SLC35F4: variants seen among roughly 807,000 people sequenced by gnomAD.
SLC35F4 encodes the protein chromosome 14 open reading frame 36.
A neutral mutation model predicts 44.2 loss-of-function variants in SLC35F4; 24 were observed. That is an observed-to-expected ratio of 0.54 (90% CI 0.39 to 0.76). SLC35F4 has a LOEUF of 0.76. SLC35F4 is among the 30% of genes least tolerant of loss of function. SLC35F4 has a pLI of 0.00. For missense variants in SLC35F4, 562 were observed against 586.1 expected, an observed-to-expected ratio of 0.96 and a Z score of 0.42; for synonymous variants, 238 against 223.6, an observed-to-expected ratio of 1.06 and a Z score of -0.57.
chr14:57,840,497 A>G (rs1287187022), intron 1 of SLC35F4, among the ~76,000 whole-genome samples: 1 of 152,198 alleles, frequency 6.6e-6, no homozygotes, highest in African/African-American at 2.4e-5. Context: ...TTTTCTGGAG[A>G]AGGAAAAAAG....
chr14:57,755,340 A>G (rs2076971679), intron 1 of SLC35F4, among the ~76,000 whole-genome samples: 1 of 152,168 alleles, frequency 6.6e-6, no homozygotes, highest in South Asian at 2.1e-4. Flanking sequence ...ACAAATTCCC[A>G]TGAGCCCCAC....
At chr14:57,783,737 C>T (rs1282308156) in intron 1 of SLC35F4, among the ~76,000 whole-genome samples, 1 of 152,116 alleles carries the variant, frequency 6.6e-6, no homozygotes, top group Non-Finnish European at 1.5e-5. Context: ...GCCCAGCCAC[C>T]CAGAATCTCA....
chr14:57,745,553 A>G (rs2076732461), intron 1 of SLC35F4, among the ~76,000 whole-genome samples: 1 of 152,230 alleles, frequency 6.6e-6, no homozygotes, highest in Non-Finnish European at 1.5e-5. Flanking sequence ...CACACCAGTT[A>G]GAATGGCGAT....
chr14:57,976,463 C>T (rs1355006970), downstream of SLC35F4, among the ~76,000 whole-genome samples: 6 of 152,166 alleles, frequency 3.9e-5, no homozygotes, highest in Non-Finnish European at 7.3e-5. Flanking sequence ...TAGGTGGATG[C>T]CCCTGAAACT....
intron 1 of SLC35F4, among the ~76,000 whole-genome samples, chr14:57,926,227 C>T (rs1331046599): frequency 2.6e-5 from 4 of 152,194 alleles, no homozygotes. Context: ...CTGTCACTAA[C>T]CTTTTTACAC....
rs1236175600 is a variant in SLC35F4, at chr14:57,865,762, C to T, written c.64G>A (p.Gly22Ser). Residue 22 changes from glycine (G) to serine (S), a missense_variant, in exon 1 of 8, where the codon GGC (glycine) becomes AGC (serine). By Grantham distance (56) the Gly-to-Ser change is moderately conservative. Transcript: ENST00000556826. ...TAACCTGGATAATAGCCATAGTAGC[C>T]GGTGATCCGCAGGATCCGGTCCTCG... ...TIEDRILRIT[G>S]YYGYYPGYSS... The T allele has an allele frequency of 2.0e-6, 3 of 1,523,718 alleles. No homozygotes were observed. The highest frequency in any genetic ancestry group is 2.8e-5 in the African/African-American group (2 of 71,556). 94.4% of individuals were successfully genotyped at this position (1,523,718 alleles called of 1,614,324 possible).
At chr14:57,972,212 A>G (rs1035479433), downstream of SLC35F4, among the ~76,000 whole-genome samples, 3 of 152,250 alleles carry the variant, frequency 2.0e-5, no homozygotes, top group Non-Finnish European at 4.4e-5. Context: ...CTTGTAGATC[A>G]TAGAAGTGTT....
chr14:57,630,564 G>A (rs1342031066), intron 1 of SLC35F4: 7 of 1,055,748 alleles, frequency 6.6e-6, no homozygotes, highest in Non-Finnish European at 8.8e-6. Context: ...TCTGGCTCAA[G>A]ATATGAAAAG....
intron 1 of SLC35F4, among the ~76,000 whole-genome samples, chr14:57,900,274 AAAG>A (rs1277945997): frequency 6.6e-6 from 1 of 152,218 alleles, no homozygotes; most frequent in East Asian, 1.9e-4. Context: ...CCAGGCAGGA[AAAG>A]AAGGACATTG....
chr14:57,835,196 T>G (rs1432989664), intron 1 of SLC35F4, among the ~76,000 whole-genome samples: 1 of 152,198 alleles, frequency 6.6e-6, no homozygotes, highest in Non-Finnish European at 1.5e-5. Context: ...TCCCATCTCC[T>G]TCAGATCCTG....
intron 1 of SLC35F4, among the ~76,000 whole-genome samples, chr14:57,771,823 C>T (rs10083418): frequency 4.1e-4 from 63 of 152,272 alleles, no homozygotes; most frequent in African/African-American, 1.1e-3. Context: ...TGAACGCCTG[C>T]GCTCAAGCAC....
At chr14:57,641,460 C>T (rs1159356780) in intron 1 of SLC35F4, among the ~76,000 whole-genome samples, 2 of 151,774 alleles carry the variant, frequency 1.3e-5, no homozygotes, top group Non-Finnish European at 2.9e-5. Flanking sequence ...ACAGAAACAC[C>T]CCCAAAAATA....
intron 1 of SLC35F4, among the ~76,000 whole-genome samples, chr14:57,956,477 A>C (rs1026073076): frequency 1.3e-5 from 2 of 152,240 alleles, no homozygotes; most frequent in African/African-American, 4.8e-5. Context: ...GCACAGCAAA[A>C]GAAACTATCA....
intron 1 of SLC35F4, among the ~76,000 whole-genome samples, chr14:57,636,630 T>C (rs930223841): frequency 6.6e-6 from 1 of 152,128 alleles, no homozygotes; most frequent in Non-Finnish European, 1.5e-5. Context: ...TTGCTATGGG[T>C]CAGGGATTGT....
chr14:57,894,547 T>A (rs1412717828), intron 1 of SLC35F4, among the ~76,000 whole-genome samples: 1 of 152,106 alleles, frequency 6.6e-6, no homozygotes, highest in African/African-American at 2.4e-5. Context: ...CTATGTAATA[T>A]ATATGTCACT....
chr14:57,682,190 G>T (rs1212266719), intron 1 of SLC35F4, among the ~76,000 whole-genome samples: 1 of 152,116 alleles, frequency 6.6e-6, no homozygotes, highest in African/African-American at 2.4e-5. Context: ...AAAGACACAT[G>T]AACACGTATG....
intron 1 of SLC35F4, among the ~76,000 whole-genome samples, chr14:57,598,356 G>A (rs576147465): frequency 1.1e-4 from 16 of 152,328 alleles, no homozygotes; most frequent in Admixed American, 7.2e-4. Context: ...CTAGCAGAGC[G>A]AACATCGCAA....
chr14:57,594,023 C>A lies in SLC35F4; in HGVS notation c.205G>T (p.Asp69Tyr). 6.2e-7 allele frequency: 1 copy of A among 1,613,890 alleles called. No individual in the cohort carries two copies. Among genetic ancestry groups the A allele is most frequent in the East Asian group, 2.2e-5 (1 of 44,880 alleles). The change falls in exon 2 of 8, where the codon GAT (aspartate) becomes TAT (tyrosine). Residue 69 changes from aspartate to tyrosine, a missense_variant. Coordinates refer to ENST00000556826, the MANE Select transcript of SLC35F4 (RefSeq NM_001306087.2). ...AGTTCAAGAATAGGAGCAGAGGAATCTTCGGTGACAGACAGTGGGGACAGT... is the reference window on the plus strand; with the variant it reads ...AGTTCAAGAATAGGAGCAGAGGAATATTCGGTGACAGACAGTGGGGACAGT... ...RQLSPLSVTE[D>Y]SSAPILELQN...
At chr14:57,643,839 T>C (rs902868903) in intron 1 of SLC35F4, among the ~76,000 whole-genome samples, 2 of 151,994 alleles carry the variant, frequency 1.3e-5, no homozygotes, top group Non-Finnish European at 2.9e-5. Context: ...CATTGTTCAA[T>C]TCCCACCTAT....
Sources: gnomAD v4.1 joint callset for allele counts (sites outside exome capture counted in the v4.1 genomes callset) on GRCh38, gnomAD v4.1.1 for gene constraint, MANE v1.5 for transcripts, NCBI Gene and HGNC (gene_info 2026-07-23, HGNC 2026-07-21) for gene names.